The following RBFOX1 variants were observed in gnomAD, a reference collection of about 807,000 sequenced individuals.
The protein encoded by RBFOX1 is RNA binding fox-1 homolog 1, also known as RNA binding protein fox-1 homolog 1.
RBFOX1 carries 8 observed loss-of-function variants against 57.7 expected under a neutral mutation model. The ratio of observed to expected loss-of-function variants is 0.14; its 90% CI spans 0.08 to 0.25. The LOEUF (loss-of-function observed/expected upper bound fraction) is 0.25, where lower values mean the gene tolerates loss of function less well. RBFOX1 is among the 10% of genes least tolerant of loss of function. The pLI is 1.00. For missense variants in RBFOX1, 611 were observed against 548.5 expected (o/e 1.11, Z -1.14); for synonymous variants, 326 against 222.4 (o/e 1.47, Z -4.15).
intron 4 of RBFOX1, among the ~76,000 whole-genome samples, chr16:5,877,504 C>G (rs756129464): frequency 6.6e-6 from 1 of 152,240 alleles, no homozygotes; most frequent in Non-Finnish European, 1.5e-5. Flanking sequence ...TCCCATTTAC[C>G]CACATACACT....
intron 3 of RBFOX1, among the ~76,000 whole-genome samples, chr16:7,043,350 C>T (rs1419500569): frequency 6.6e-6 from 1 of 152,110 alleles, no homozygotes; most frequent in African/African-American, 2.4e-5. Context: ...ATAAAATGTA[C>T]AATGTGTCAT....
At chr16:5,739,008 C>A (rs2052681072) in intron 3 of RBFOX1, among the ~76,000 whole-genome samples, 1 of 152,206 alleles carries the variant, frequency 6.6e-6, no homozygotes, top group South Asian at 2.1e-4. Context: ...CTCCACAAGG[C>A]CTTGCCTGAA....
At chr16:5,438,451 A>G (rs2067982369) in intron 1 of RBFOX1, among the ~76,000 whole-genome samples, 1 of 152,194 alleles carries the variant, frequency 6.6e-6, no homozygotes, top group African/African-American at 2.4e-5. Flanking sequence ...TAACACTTCA[A>G]GTGCTGTCTT....
chr16:5,587,122 G>A (rs1223194359), intron 2 of RBFOX1, among the ~76,000 whole-genome samples: 1 of 152,188 alleles, frequency 6.6e-6, no homozygotes, highest in African/African-American at 2.4e-5. Context: ...ACATGACCAA[G>A]ATGCTTTAGG....
At chr16:6,379,900 C>T (rs528997832) in intron 2 of RBFOX1, among the ~76,000 whole-genome samples, 1 of 152,154 alleles carries the variant, frequency 6.6e-6, no homozygotes, top group Admixed American at 6.5e-5. Flanking sequence ...GAGCATGCGT[C>T]AGTCCTGGAA....
intron 2 of RBFOX1, among the ~76,000 whole-genome samples, chr16:6,564,865 G>C (rs1328684921): frequency 6.6e-6 from 1 of 152,102 alleles, no homozygotes; most frequent in Non-Finnish European, 1.5e-5. Context: ...TTGCGGCTGG[G>C]CACGGTGGCT....
At chr16:7,244,931 C>G (rs2094227303) in intron 4 of RBFOX1, among the ~76,000 whole-genome samples, 1 of 152,192 alleles carries the variant, frequency 6.6e-6, no homozygotes, top group African/African-American at 2.4e-5. Context: ...TGTTTCATGT[C>G]AGAGGCACAG....
At chr16:6,766,180 G>GA (rs1022030537) in intron 3 of RBFOX1, among the ~76,000 whole-genome samples, 5 of 150,792 alleles carry the variant, frequency 3.3e-5, no homozygotes, top group African/African-American at 7.3e-5. Context: ...TAGATATGGA[G>GA]AAAAAAAAAG....
intron 2 of RBFOX1, among the ~76,000 whole-genome samples, chr16:6,612,849 CAAA>C (rs539098192): frequency 9.7e-6 from 1 of 103,092 alleles, no homozygotes; most frequent in Non-Finnish European, 2.2e-5. Context: ...GACTCTCTCT[CAAA>C]AAAAAAAAAA....
chr16:6,828,389 T>C (rs1408472525), intron 3 of RBFOX1, among the ~76,000 whole-genome samples: 1 of 151,850 alleles, frequency 6.6e-6, no homozygotes, highest in South Asian at 2.1e-4. Flanking sequence ...CTGGGCATGG[T>C]GACACAGGCC....
exon 3 of RBFOX1, chr16:5,598,923 A>G (rs766061378): frequency 1.3e-6 from 2 of 1,527,250 alleles, no homozygotes; most frequent in African/African-American, 1.4e-5. Flanking sequence ...TGAAAATTCA[A>G]CCCTCCTCCC....
At chr16:6,624,701 C>T (rs549587718) in intron 2 of RBFOX1, among the ~76,000 whole-genome samples, 7 of 152,162 alleles carry the variant, frequency 4.6e-5, no homozygotes, top group South Asian at 2.1e-4. Flanking sequence ...TCCTAGACGT[C>T]GTTGTAAAAC....
At chr16:7,034,065 A>C (rs1256500777) in intron 3 of RBFOX1, among the ~76,000 whole-genome samples, 1 of 152,144 alleles carries the variant, frequency 6.6e-6, no homozygotes, top group Non-Finnish European at 1.5e-5. Flanking sequence ...ATGGCAGGGG[A>C]TGGGGACGCG....
intron 1 of RBFOX1, among the ~76,000 whole-genome samples, chr16:6,029,697 T>C (rs777658505): frequency 1.2e-4 from 15 of 128,804 alleles, no homozygotes; most frequent in Non-Finnish European, 1.5e-4. Context: ...GGCGTGAACA[T>C]GGGGAGCGGA....
chr16:6,275,060 C>A (rs1218706344), intron 1 of RBFOX1, among the ~76,000 whole-genome samples: 1 of 152,158 alleles, frequency 6.6e-6, no homozygotes, highest in Non-Finnish European at 1.5e-5. Context: ...GTCACATTGT[C>A]TGGTCACACC....
chr16:6,171,751 T>C, intron 1 of RBFOX1, among the ~76,000 whole-genome samples: 1 of 152,168 alleles, frequency 6.6e-6, no homozygotes, highest in Non-Finnish European at 1.5e-5. Flanking sequence ...TTCAGATGAA[T>C]AGTAAGAGTG....
chr16:6,846,896 C>A (rs960988191), intron 3 of RBFOX1, among the ~76,000 whole-genome samples: 2 of 150,568 alleles, frequency 1.3e-5, no homozygotes, highest in Non-Finnish European at 2.9e-5. Context: ...AAGGGAAAGA[C>A]TGCCTCTAAA....
chr16:7,584,014 T>C (rs1327176228), intron 6 of RBFOX1, among the ~76,000 whole-genome samples: 2 of 152,174 alleles, frequency 1.3e-5, no homozygotes. Context: ...GAAAGTTCCA[T>C]CTACCATGAT....
At chr16:5,650,609 T>G (rs1044948952) in intron 3 of RBFOX1, among the ~76,000 whole-genome samples, 8 of 152,210 alleles carry the variant, frequency 5.3e-5, no homozygotes, top group Non-Finnish European at 1.0e-4. Flanking sequence ...AAAACTGCCT[T>G]AGTTCTGCCA....
Sources: allele counts gnomAD v4.1 joint callset (sites outside exome capture counted in the v4.1 genomes callset), GRCh38; gene constraint gnomAD v4.1.1; transcripts MANE v1.5; gene names NCBI Gene and HGNC (gene_info 2026-07-23, HGNC 2026-07-21).